The following PRKCQ variants were observed in gnomAD, a reference collection of about 807,000 sequenced individuals.
The protein encoded by PRKCQ is protein kinase C theta, also known as protein kinase C theta type.
In PRKCQ, 41 loss-of-function variants were observed where a neutral mutation model predicts 91.2. The observed-to-expected ratio is 0.45, with a 90% confidence interval of 0.35 to 0.58. PRKCQ has a LOEUF of 0.58. Among genes scored for constraint, PRKCQ ranks in the 20% least tolerant of loss-of-function variants. PRKCQ has a pLI of 0.00. For missense variants in PRKCQ, 673 were observed against 896.5 expected (o/e 0.75, Z 3.18); for synonymous variants, 307 against 316.9 (o/e 0.97, Z 0.33).
chr10:6,539,639 G>A (rs1487014851), intron 1 of PRKCQ, among the ~76,000 whole-genome samples: 3 of 151,984 alleles, frequency 2.0e-5, no homozygotes, highest in African/African-American at 7.3e-5. Context: ...GAAATAGAGT[G>A]GACAATTAAT....
intron 12 of PRKCQ, among the ~76,000 whole-genome samples, chr10:6,470,679 G>A (rs6602722): frequency 0.13 from 19,222 of 152,106 alleles, 1,617 homozygotes; most frequent in Middle Eastern, 0.27. Context: ...GGCCAAGCGC[G>A]GTGGCTCATG....
the PRKCQ span, among the ~76,000 whole-genome samples, chr10:6,413,446 T>C: frequency 6.6e-6 from 1 of 151,060 alleles, no homozygotes; most frequent in African/African-American, 2.4e-5. Context: ...CTTAGGAAGA[T>C]GTAGACATGG....
intron 1 of PRKCQ, among the ~76,000 whole-genome samples, chr10:6,570,727 G>C (rs1217368060): frequency 6.6e-6 from 1 of 151,980 alleles, no homozygotes; most frequent in East Asian, 1.9e-4. Flanking sequence ...GCTAATTTTT[G>C]TATTTTTAGT....
In PRKCQ at chr10:6,511,182, A is replaced by G. The variant is rs754974344; in HGVS notation, c.131T>C (p.Met44Thr). 10 of 1,613,882 alleles carry G rather than the reference A, an allele frequency of 6.2e-6. No individual in the cohort carries two copies. In the Admixed American group the frequency reaches 1.7e-4, roughly 27 times the overall value. ...KEYVESENGQ[M>T]YIQKKPTMYP... is the part of the protein sequence containing the mutation. ...CATGGTAGGCTTTTTCTGGATATAC[A>G]TCTGCCCGTTCTCTAGGAACAGAAA... The change falls in exon 3 of 18, where the codon ATG becomes ACG. Residue 44 changes from methionine (M) to threonine (T), a missense_variant. Physicochemically the swap from Met to Thr is moderately conservative, Grantham distance 81 (BLOSUM62 -1). Coordinates refer to ENST00000263125, the MANE Select transcript of PRKCQ (RefSeq NM_006257.5).
chr10:6,479,017 T>C lies in PRKCQ; in HGVS notation c.1328A>G (p.His443Arg), dbSNP rs750090233. Residue 443 changes from histidine to arginine, a missense_variant, in exon 12 of 18, where the codon CAC (histidine) becomes CGC (arginine). Physicochemically the swap from His to Arg is conservative, Grantham distance 29 (BLOSUM62 0). Transcript: ENST00000263125. ...CTTGGTCTGGAATGTACAAAACATG[T>C]GCGTCAGAAACGGATGCTCCCAGGC... is the stretch of plus-strand genomic sequence containing the variant. ...SLAWEHPFLT[H>R]MFCTFQTKEN... 9 of 1,614,042 alleles carry C rather than the reference T, an allele frequency of 5.6e-6. No homozygotes were observed. In the Admixed American group the frequency reaches 1.3e-4, roughly 24 times the overall value.
chr10:6,409,019 G>C, the PRKCQ span, among the ~76,000 whole-genome samples: 1 of 152,242 alleles, frequency 6.6e-6, no homozygotes, highest in Non-Finnish European at 1.5e-5. Flanking sequence ...TGAATTTTGT[G>C]CAGTTTGCTT....
chr10:6,459,446 AT>A (rs1835201854), intron 14 of PRKCQ, among the ~76,000 whole-genome samples: 1 of 152,146 alleles, frequency 6.6e-6, no homozygotes, highest in African/African-American at 2.4e-5. Flanking sequence ...ATGGTCTGTG[AT>A]ATCAGCTGTA....
the PRKCQ span, among the ~76,000 whole-genome samples, chr10:6,415,645 C>T: frequency 6.6e-6 from 1 of 151,536 alleles, no homozygotes. Flanking sequence ...CGCTGAGATC[C>T]CCAGAACCAT....
rs374023195 is a variant in PRKCQ, at chr10:6,454,377, G to A, written c.1647+2297C>T. 7.9e-5 allele frequency among the ~76,000 whole-genome samples: 12 copies of A among 152,256 alleles called. No homozygotes were observed. In the East Asian group the frequency reaches 1.7e-3, roughly 22 times the overall value. On this transcript the variant is annotated intron_variant, in intron 15 of 17. Transcript: ENST00000263125. ...ACTAGGGTAACAGCAGTAAGGGCGA[G>A]AGGACCTGGAGATCTGGGCGGAGCT...
rs1404486723 is a variant in PRKCQ at position 6,511,191 on chromosome 10, T to C, written c.122A>G (p.Asn41Ser). The C allele has an allele frequency of 6.2e-7, 1 of 1,613,762 alleles. No individual in the cohort carries two copies. Among genetic ancestry groups the C allele is most frequent in the Non-Finnish European group, 8.5e-7 (1 of 1,179,892 alleles). The change falls in exon 3 of 18, where the codon AAC (asparagine) becomes AGC (serine). Residue 41 changes from asparagine (N) to serine (S), a missense_variant. Asn to Ser is a conservative substitution (Grantham distance 46). Coordinates refer to ENST00000263125, the MANE Select transcript of PRKCQ (RefSeq NM_006257.5). ...VLVKEYVESE[N>S]GQMYIQKKPT... is the part of the protein sequence containing the mutation. The stretch of plus-strand genomic sequence containing the variant: ...CTTTTTCTGGATATACATCTGCCCG[T>C]TCTCTAGGAACAGAAACGTAAGGTC...
chr10:6,541,658 G>T (rs914856079), intron 1 of PRKCQ, among the ~76,000 whole-genome samples: 17 of 152,158 alleles, frequency 1.1e-4, no homozygotes, highest in African/African-American at 4.1e-4. Flanking sequence ...CATGAATTTA[G>T]TAAGTCCATG....
chr10:6,508,122 T>C (rs527659681), intron 3 of PRKCQ, among the ~76,000 whole-genome samples: 1 of 152,312 alleles, frequency 6.6e-6, no homozygotes, highest in South Asian at 2.1e-4. Context: ...TTCAGTACTG[T>C]ATTATTATGT....
At position 6,485,149 on chromosome 10, in the gene PRKCQ, T is replaced by C. The variant is rs1836830000; in HGVS notation, c.1018+3A>G. ...TGATTAGACTGCTGATCAGGACAGC[T>C]ACCTCTTTTTCCCGGTGTCGGTAAA... On this transcript the variant is annotated splice_donor_region_variant and intron_variant, in intron 10 of 17. Coordinates refer to ENST00000263125, the MANE Select transcript of PRKCQ (RefSeq NM_006257.5). 1 of 1,611,336 alleles carries C rather than the reference T, an allele frequency of 6.2e-7. No individual in the cohort carries two copies. Among genetic ancestry groups the C allele is most frequent in the Admixed American group, 1.7e-5 (1 of 59,988 alleles).
At chr10:6,405,858 CA>C in the PRKCQ span, among the ~76,000 whole-genome samples, 1,347 of 152,342 alleles carry the variant, frequency 8.8e-3, 13 homozygotes, top group African/African-American at 0.031. Flanking sequence ...GGAGCAATGA[CA>C]GCTCCAAAAT....
intron 1 of PRKCQ, among the ~76,000 whole-genome samples, chr10:6,530,166 A>G (rs1839340159): frequency 6.6e-6 from 1 of 152,130 alleles, no homozygotes; most frequent in Non-Finnish European, 1.5e-5. Context: ...TCTCCTTCCT[A>G]GGGCGCGGTC....
intron 1 of PRKCQ, among the ~76,000 whole-genome samples, chr10:6,537,247 A>C (rs779679549): frequency 9.9e-5 from 15 of 152,224 alleles, no homozygotes; most frequent in Non-Finnish European, 1.6e-4. Flanking sequence ...ACTGAAACCA[A>C]TAAGCCATTT....
At chr10:6,492,755 G>T (rs1285180143) in intron 7 of PRKCQ, among the ~76,000 whole-genome samples, 1 of 152,166 alleles carries the variant, frequency 6.6e-6, no homozygotes, top group Non-Finnish European at 1.5e-5. Context: ...TTGGATTCCT[G>T]GTAAGAATGT....
In PRKCQ at chr10:6,568,781, A is replaced by G. The variant is rs565698087; in HGVS notation, c.-10+11430T>C. 2.0e-5 allele frequency among the ~76,000 whole-genome samples: 3 copies of G among 152,228 alleles called. No homozygotes were observed. In the East Asian group the frequency reaches 5.8e-4, roughly 29 times the overall value. ...CCAAAGTGCTGAGATAACAGGCGTG[A>G]GCCACCGCGCCCGGCCAGTTTAATC... is the stretch of plus-strand genomic sequence containing the variant. On this transcript the variant is annotated intron_variant, in intron 1 of 17. Coordinates refer to ENST00000263125, the MANE Select transcript of PRKCQ (RefSeq NM_006257.5).
chr10:6,566,117 C>T (rs1378926797), intron 1 of PRKCQ, among the ~76,000 whole-genome samples: 3 of 152,188 alleles, frequency 2.0e-5, no homozygotes, highest in Non-Finnish European at 2.9e-5. Flanking sequence ...CCTTGTGTTA[C>T]CATCCCCACT....
Sources: gnomAD v4.1 joint callset for allele counts (sites outside exome capture counted in the v4.1 genomes callset) on GRCh38, gnomAD v4.1.1 for gene constraint, MANE v1.5 for transcripts, NCBI Gene and HGNC (gene_info 2026-07-23, HGNC 2026-07-21) for gene names.